MAP3K6: variants seen among roughly 807,000 people sequenced by gnomAD.
MAP3K6 encodes the protein apoptosis signal-regulating kinase 2.
In MAP3K6, 105 loss-of-function variants were observed where a neutral mutation model predicts 147.1. That is an observed-to-expected ratio of 0.71 (90% CI 0.61 to 0.84). The LOEUF (loss-of-function observed/expected upper bound fraction) is 0.84, where lower values mean the gene tolerates loss of function less well. Among genes scored for constraint, MAP3K6 ranks in the 40% least tolerant of loss-of-function variants. The probability of loss-of-function intolerance (pLI) is 0.00; values close to 1 mark genes in which losing one functional copy is unlikely to be tolerated. For synonymous variants in MAP3K6, 695 were observed against 732.4 expected, an observed-to-expected ratio of 0.95 and a Z score of 0.82; for missense variants, 1,569 against 1,715.0, an observed-to-expected ratio of 0.91 and a Z score of 1.50.
At position 27,358,925 on chromosome 1, in the gene MAP3K6, G is replaced by A. The variant is rs951657919; in HGVS notation, c.2426-59C>T. 83 of 1,503,752 alleles carry A rather than the reference G, an allele frequency of 5.5e-5. No homozygotes were observed. The African/African-American group carries it at 6.2e-4, about 11-fold the overall frequency. The allele number at this position is 1,503,752 out of a possible 1,614,324, so 93.2% of individuals were successfully genotyped here. On this transcript the variant is annotated intron_variant, in intron 18 of 28. Transcript: ENST00000357582. The surrounding 1 kb of genome is among the most constrained non-coding windows in gnomAD (Gnocchi z 6.2). ...AGGCTTCATCATGGGGTTGGAGCAGGGAGGGGAATGCCGTCATCCTCAGGC... is the reference window on the plus strand; with the variant it reads ...AGGCTTCATCATGGGGTTGGAGCAGAGAGGGGAATGCCGTCATCCTCAGGC...
At position 27,358,086 on chromosome 1, in the gene MAP3K6, T is replaced by G; in HGVS notation, c.2915+95A>C. 4.0e-6 allele frequency: 6 copies of G among 1,514,526 alleles called. No homozygotes were observed. Among genetic ancestry groups the G allele is most frequent in the Non-Finnish European group, 5.3e-6 (6 of 1,134,080 alleles). 93.8% of individuals were successfully genotyped at this position (1,514,526 alleles called of 1,614,324 possible). On this transcript the variant is annotated intron_variant, in intron 21 of 28. Coordinates refer to ENST00000357582, the MANE Select transcript of MAP3K6 (RefSeq NM_004672.5). The surrounding 1 kb of genome is among the most constrained non-coding windows in gnomAD (Gnocchi z 6.2). Reference sequence around the variant, plus strand: ...CACCAAATGCCACATTCACAAGTGGTCAAGGTGCCCAGGTCCCCAGGGAGG... The same window carrying G: ...CACCAAATGCCACATTCACAAGTGGGCAAGGTGCCCAGGTCCCCAGGGAGG...
Position 27,358,220 on chromosome 1 carries a change from G to C in MAP3K6, c.2876C>G (p.Pro959Arg), listed in dbSNP as rs767042366. The change falls in exon 21 of 29, where the codon CCG becomes CGG. Residue 959 changes from proline to arginine, a missense_variant. Transcript: ENST00000357582. This position sits in a 1 kb window ranked among gnomAD's most constrained non-coding sequence, Gnocchi z 6.2. Reference protein sequence around the residue: ...QAPSQHPPSPPKRCLSYGGTS... With the variant: ...QAPSQHPPSPRKRCLSYGGTS... ...GCCCCCATAACTGAGGCAGCGCTTC[G>C]GGGGGCTGGGTGGGTGCTGAGAGGG... is the stretch of plus-strand genomic sequence containing the variant. 10 of 1,596,186 alleles carry C rather than the reference G, an allele frequency of 6.3e-6. No individual in the cohort carries two copies. The highest frequency in any genetic ancestry group is 8.5e-6 in the Non-Finnish European group (10 of 1,175,182).
At position 27,357,045 on chromosome 1, in the gene MAP3K6, G is replaced by C; in HGVS notation, c.3328C>G (p.Arg1110Gly). 1 of 1,614,054 alleles carries C rather than the reference G, an allele frequency of 6.2e-7. No individual in the cohort carries two copies. The highest frequency in any genetic ancestry group is 8.5e-7 in the Non-Finnish European group (1 of 1,180,014). ...ACACCCAGGGCTGCCCGCACAGCAC[G>C]GCTGAGCAGTGAGTCCAGAACGAAC... ...WMFVLDSLLS[R>G]AVRAALGVLG... Residue 1110 changes from arginine (R) to glycine (G), a missense_variant, in exon 24 of 29, where the codon CGT (arginine) becomes GGT (glycine). Coordinates refer to ENST00000357582, the MANE Select transcript of MAP3K6 (RefSeq NM_004672.5).
In MAP3K6 at chr1:27,358,129, G is replaced by A. The variant is rs750411287; in HGVS notation, c.2915+52C>T. The A allele has an allele frequency of 9.1e-6, 14 of 1,533,798 alleles. No individual in the cohort carries two copies. The African/African-American group carries it at 1.8e-4, about 20-fold the overall frequency. ...CAGGGAGGGCTTTTGTAGGAGAGGA[G>A]AAAAAGGCAAAACCAGGCAAAAGGA... On this transcript the variant is annotated intron_variant, in intron 21 of 28. Coordinates refer to ENST00000357582, the MANE Select transcript of MAP3K6 (RefSeq NM_004672.5). The surrounding 1 kb of genome is among the most constrained non-coding windows in gnomAD (Gnocchi z 6.2).
In MAP3K6 at chr1:27,358,214, C is replaced by T. The variant is rs749232532; in HGVS notation, c.2882G>A (p.Arg961His). Residue 961 changes from arginine (R) to histidine (H), a missense_variant, in exon 21 of 29, where the codon CGC (arginine) becomes CAC (histidine). By Grantham distance (29) the Arg-to-His change is conservative (BLOSUM62 0). Coordinates refer to ENST00000357582, the MANE Select transcript of MAP3K6 (RefSeq NM_004672.5). This position sits in a 1 kb window ranked among gnomAD's most constrained non-coding sequence, Gnocchi z 6.2. ...PSQHPPSPPK[R>H]CLSYGGTSQL... ...GCTGGTGCCCCCATAACTGAGGCAG[C>T]GCTTCGGGGGGCTGGGTGGGTGCTG... The T allele has an allele frequency of 1.3e-5, 21 of 1,594,442 alleles. No homozygotes were observed. The highest frequency in any genetic ancestry group is 2.3e-5 in the South Asian group (2 of 88,280).
chr1:27,365,887 A>G (rs145403571), intron 1 of MAP3K6, among the ~76,000 whole-genome samples: 1,882 of 151,462 alleles, frequency 0.012, 44 homozygotes, highest in African/African-American at 0.043. Flanking sequence ...GGTGAGGCTG[A>G]GTTCTCCAAC....
Position 27,357,749 on chromosome 1 carries a change from G to A in MAP3K6, c.3043C>T (p.Leu1015=). The A allele has an allele frequency of 6.2e-7, 1 of 1,611,820 alleles. No homozygotes were observed. Among genetic ancestry groups the A allele is most frequent in the Non-Finnish European group, 8.5e-7 (1 of 1,179,822 alleles). ...AAVLEQELPA[L]AENLHQEQKQ... is the part of the protein sequence containing the mutation. ...TGCTCCTGGTGCAGATTCTCCGCCA[G>A]CGCTGGCAGCTCCTGCTCCAATACT... Residue 1015 remains leucine (L), a synonymous_variant, in exon 22 of 29, where the codon CTG becomes TTG. Coordinates refer to ENST00000357582, the MANE Select transcript of MAP3K6 (RefSeq NM_004672.5).
Position 27,357,129 on chromosome 1 carries a change from A to G in MAP3K6, c.3259-15T>C, listed in dbSNP as rs747035933. The G allele has an allele frequency of 2.7e-5, 44 of 1,606,852 alleles. No individual in the cohort carries two copies. The highest frequency in any genetic ancestry group is 3.4e-5 in the Non-Finnish European group (40 of 1,173,998). On this transcript the variant is annotated splice_polypyrimidine_tract_variant and intron_variant, in intron 23 of 28. Coordinates refer to ENST00000357582, the MANE Select transcript of MAP3K6 (RefSeq NM_004672.5). ...ATCTGCTTCACCTGCAGGGGGAGGG[A>G]GGCGCCGCTGAGACAGCTGAGCCTC...
At chr1:27,363,081 C>T in intron 6 of MAP3K6, 60 bp from the exon 7 acceptor site, 1 of 1,470,788 alleles carries the variant, frequency 6.8e-7, no homozygotes, top group Non-Finnish European at 9.2e-7. Flanking sequence ...GTCCAGGGAC[C>T]TCTAGACACT....
rs2148063058 is a variant in MAP3K6 at position 27,366,122 on chromosome 1, T to C, written c.340+136A>G. 1.0e-6 allele frequency: 1 copy of C among 984,452 alleles called. No homozygotes were observed. Among genetic ancestry groups the C allele is most frequent in the Non-Finnish European group, 1.3e-6 (1 of 764,248 alleles). 61.0% of individuals were successfully genotyped at this position (984,452 alleles called of 1,614,324 possible). A position where few individuals can be genotyped will look rare whatever the true frequency, so the allele number is the denominator to read the frequency against. On this transcript the variant is annotated intron_variant, in intron 1 of 28. Transcript: ENST00000357582. This position sits in a 1 kb window ranked among gnomAD's most constrained non-coding sequence, Gnocchi z 5.5. ...TTTTTCACGGCCCTGTCCCAAGCCCTTCAGCTTTAGCTCACTTTAAGTCCC... is the reference window on the plus strand; with the variant it reads ...TTTTTCACGGCCCTGTCCCAAGCCCCTCAGCTTTAGCTCACTTTAAGTCCC...
chr1:27,366,409 C>T lies in MAP3K6; in HGVS notation c.189G>A (p.Glu63=), dbSNP rs2015988570. ...GGGGCAGCGGCTCCGCCTCGGTTCC[C>T]TCCCGAGGCTCGAGCCCGGGCTGCG... ...REPQPGLEPR[E]GTEAEPLPLR... is the part of the protein sequence containing the mutation. Residue 63 remains glutamate (E), a synonymous_variant, in exon 1 of 29, where the codon GAG becomes GAA. Coordinates refer to ENST00000357582, the MANE Select transcript of MAP3K6 (RefSeq NM_004672.5). The surrounding 1 kb of genome is among the most constrained non-coding windows in gnomAD (Gnocchi z 5.5). The T allele has an allele frequency of 8.1e-7, 1 of 1,230,932 alleles. No individual in the cohort carries two copies. The highest frequency in any genetic ancestry group is 1.6e-5 in the African/African-American group (1 of 63,876). The allele number at this position is 1,230,932 out of a possible 1,614,324, so 76.3% of individuals were successfully genotyped here.
At chr1:27,362,348 G>T in intron 8 of MAP3K6, 98 bp from the exon 9 acceptor site, 1 of 1,273,660 alleles carries the variant, frequency 7.9e-7, no homozygotes, top group African/African-American at 1.5e-5. Context: ...ACATAGATAT[G>T]AGTATGGCAT....
At position 27,361,327 on chromosome 1, in the gene MAP3K6, C is replaced by A. The variant is rs1457305828; in HGVS notation, c.1736+19G>T. On this transcript the variant is annotated intron_variant, in intron 12 of 28. Transcript: ENST00000357582. ...CCTCACCTCCCGTCTTTCCAGTCAC[C>A]CCAGGTCCCGCCTATCACCTGACTC... is the stretch of plus-strand genomic sequence containing the variant. 1 of 1,613,930 alleles carries A rather than the reference C, an allele frequency of 6.2e-7. No individual in the cohort carries two copies. The highest frequency in any genetic ancestry group is 1.7e-5 in the Admixed American group (1 of 60,012).
At chr1:27,363,807 G>A (rs2015873024) in intron 5 of MAP3K6, 110 bp downstream of exon 5, 3 of 1,092,856 alleles carry the variant, frequency 2.7e-6, no homozygotes, top group Non-Finnish European at 3.8e-6. Context: ...AGAGACATTG[G>A]ATAATTTGCC....
chr1:27,356,510 G>T lies in MAP3K6; in HGVS notation c.3525-10C>A, dbSNP rs371184845. 4 of 1,612,874 alleles carry T rather than the reference G, an allele frequency of 2.5e-6. No homozygotes were observed. In the Admixed American group the frequency reaches 6.7e-5, roughly 27 times the overall value. ...CAGGATTTCGCGCAGCCTGTGGGGCGCAGAAGAGTAGAATGGAGCGGTGAG... is the reference window on the plus strand; with the variant it reads ...CAGGATTTCGCGCAGCCTGTGGGGCTCAGAAGAGTAGAATGGAGCGGTGAG... On this transcript the variant is annotated splice_polypyrimidine_tract_variant and intron_variant, in intron 25 of 28. Transcript: ENST00000357582.
intron 1 of MAP3K6, among the ~76,000 whole-genome samples, 154 bp from the exon 2 acceptor site, chr1:27,365,066 G>C (rs1222512401): frequency 6.6e-6 from 1 of 152,178 alleles, no homozygotes; most frequent in African/African-American, 2.4e-5. Flanking sequence ...GGTTCCCCTG[G>C]CACTTTCACA....
intron 28 of MAP3K6, 26 bp from the exon 29 acceptor site, chr1:27,355,495 T>A: frequency 6.2e-7 from 1 of 1,612,728 alleles, no homozygotes; most frequent in Non-Finnish European, 8.5e-7. Flanking sequence ...TCAGTGTGGC[T>A]CAGCCAGAAG....
In MAP3K6 at chr1:27,357,039, C is replaced by T; in HGVS notation, c.3334G>A (p.Val1112Met). The T allele has an allele frequency of 6.2e-7, 1 of 1,614,064 alleles. No homozygotes were observed. The highest frequency in any genetic ancestry group is 8.5e-7 in the Non-Finnish European group (1 of 1,180,014). Residue 1112 changes from valine to methionine, a missense_variant, in exon 24 of 29, where the codon GTG becomes ATG. By Grantham distance (21) the Val-to-Met change is conservative (BLOSUM62 1). Coordinates refer to ENST00000357582, the MANE Select transcript of MAP3K6 (RefSeq NM_004672.5). ...FVLDSLLSRA[V>M]RAALGVLGPE... ...CCTAGCACACCCAGGGCTGCCCGCA[C>T]AGCACGGCTGAGCAGTGAGTCCAGA... is the stretch of plus-strand genomic sequence containing the variant.
Position 27,366,599 on chromosome 1 carries a change from C to G in MAP3K6, c.-2G>C, listed in dbSNP as rs2015997766. 9.3e-7 allele frequency: 1 copy of G among 1,077,044 alleles called. No individual in the cohort carries two copies. The highest frequency in any genetic ancestry group is 1.7e-5 in the African/African-American group (1 of 59,522). The allele number at this position is 1,077,044 out of a possible 1,614,324, so 66.7% of individuals were successfully genotyped here. Reference sequence around the variant, plus strand: ...GGACCGGGGACACGGCCCCGCCATGCGGGGGCGCTCAGGCGCGGGGCGCCG... The same window carrying G: ...GGACCGGGGACACGGCCCCGCCATGGGGGGGCGCTCAGGCGCGGGGCGCCG... On this transcript the variant is annotated 5_prime_UTR_variant, in exon 1 of 29. Transcript: ENST00000357582. The surrounding 1 kb of genome is among the most constrained non-coding windows in gnomAD (Gnocchi z 5.5).
Sources: gnomAD v4.1 joint callset for allele counts (sites outside exome capture counted in the v4.1 genomes callset) on GRCh38, gnomAD v4.1.1 for gene constraint, Gnocchi (gnomAD v3.1) non-coding constraint, MANE v1.5 for transcripts, NCBI Gene and HGNC (gene_info 2026-07-23, HGNC 2026-07-21) for gene names.